The following SGCD variants were observed in gnomAD, a reference collection of about 807,000 sequenced individuals.
The protein encoded by SGCD is delta-sarcoglycan.
A neutral mutation model predicts 36.6 loss-of-function variants in SGCD; 18 were observed. That is an observed-to-expected ratio of 0.49 (90% CI 0.34 to 0.73). The LOEUF is 0.73. SGCD is among the 30% of genes least tolerant of loss of function. The pLI is 0.01. For missense variants in SGCD, 387 were observed against 346.7 expected, an observed-to-expected ratio of 1.12 and a Z score of -0.92; for synonymous variants, 133 against 130.6, an observed-to-expected ratio of 1.02 and a Z score of -0.12.
chr5:155,829,394 CCTCA>C, the SGCD span, among the ~76,000 whole-genome samples: 1,202 of 152,036 alleles, frequency 7.9e-3, 23 homozygotes, highest in African/African-American at 0.027. Flanking sequence ...CAGCCATCAG[CCTCA>C]CTAATAATGC....
chr5:155,855,479 C>T, the SGCD span, among the ~76,000 whole-genome samples: 2 of 152,156 alleles, frequency 1.3e-5, no homozygotes, highest in Non-Finnish European at 2.9e-5. Context: ...ATCCTTACCT[C>T]AAAGTCAGCT....
chr5:156,084,474 G>A (rs534918009), intron 1 of SGCD, among the ~76,000 whole-genome samples: 34 of 152,258 alleles, frequency 2.2e-4, no homozygotes, highest in African/African-American at 8.2e-4. Context: ...AACCAGGCTA[G>A]ATCCTGCTTA....
chr5:155,906,737 T>C (rs938905095), intron 1 of SGCD, among the ~76,000 whole-genome samples: 11 of 151,898 alleles, frequency 7.2e-5, no homozygotes, highest in African/African-American at 2.4e-4. Context: ...GTTCATGAGG[T>C]TCAAGGAAAG....
intron 3 of SGCD, among the ~76,000 whole-genome samples, chr5:156,296,143 G>C (rs1766888184): frequency 6.6e-6 from 1 of 152,148 alleles, no homozygotes; most frequent in South Asian, 2.1e-4. Context: ...GTCCCACTGT[G>C]ACTGAAAGGT....
At chr5:156,335,079 A>C (rs1580836266) in intron 2 of SGCD, among the ~76,000 whole-genome samples, 1 of 152,230 alleles carries the variant, frequency 6.6e-6, no homozygotes, top group East Asian at 1.9e-4. Flanking sequence ...GGTTTTAATT[A>C]TATCGATCTC....
intron 1 of SGCD, among the ~76,000 whole-genome samples, chr5:155,941,168 A>G (rs1275203364): frequency 6.6e-6 from 1 of 151,950 alleles, no homozygotes; most frequent in Non-Finnish European, 1.5e-5. Flanking sequence ...TAACAAACCC[A>G]CTCTCGAGAT....
At chr5:156,442,137 T>C (rs1043515218) in intron 3 of SGCD, among the ~76,000 whole-genome samples, 1 of 152,176 alleles carries the variant, frequency 6.6e-6, no homozygotes, top group African/African-American at 2.4e-5. Context: ...AGCCGCAGGG[T>C]TGTTTTTTCA....
At chr5:156,685,478 G>C (rs957319738) in intron 7 of SGCD, among the ~76,000 whole-genome samples, 1 of 152,136 alleles carries the variant, frequency 6.6e-6, no homozygotes, top group Non-Finnish European at 1.5e-5. Context: ...AACATTAGAC[G>C]AAGCAAGCTG....
intron 1 of SGCD, among the ~76,000 whole-genome samples, chr5:155,875,547 C>A (rs1755746666): frequency 6.6e-6 from 1 of 152,006 alleles, no homozygotes; most frequent in Non-Finnish European, 1.5e-5. Flanking sequence ...TGTGATGTTT[C>A]TCTAGGTCTT....
intron 7 of SGCD, among the ~76,000 whole-genome samples, chr5:156,748,341 A>G (rs1180386381): frequency 1.3e-5 from 2 of 152,186 alleles, no homozygotes; most frequent in African/African-American, 4.8e-5. Context: ...AGATTAGTGC[A>G]ATTTACTGTA....
intron 6 of SGCD, among the ~76,000 whole-genome samples, chr5:156,611,115 A>C (rs1761781940): frequency 6.6e-6 from 1 of 151,940 alleles, no homozygotes; most frequent in Non-Finnish European, 1.5e-5. Context: ...TGCAGAAATC[A>C]CCCGTCTTCT....
intron 1 of SGCD, among the ~76,000 whole-genome samples, chr5:155,930,135 A>G (rs1303243991): frequency 6.6e-6 from 1 of 152,192 alleles, no homozygotes; most frequent in Non-Finnish European, 1.5e-5. Flanking sequence ...TGCCAAAGTT[A>G]AAACACTTCT....
At chr5:156,285,175 G>T (rs1173073329) in intron 3 of SGCD, among the ~76,000 whole-genome samples, 2 of 152,238 alleles carry the variant, frequency 1.3e-5, no homozygotes, top group African/African-American at 4.8e-5. Context: ...AATAAAAGAG[G>T]ATACAAACAA....
At chr5:156,476,598 A>T (rs1755191558) in intron 3 of SGCD, among the ~76,000 whole-genome samples, 1 of 152,242 alleles carries the variant, frequency 6.6e-6, no homozygotes, top group Non-Finnish European at 1.5e-5. Context: ...CTGAAACTGG[A>T]GAAAAGAAAA....
At chr5:156,101,283 G>A (rs2127596700) in intron 1 of SGCD, among the ~76,000 whole-genome samples, 1 of 152,298 alleles carries the variant, frequency 6.6e-6, no homozygotes, top group South Asian at 2.1e-4. Context: ...CAGACAGTGG[G>A]CTGGCCTGGC....
intron 6 of SGCD, among the ~76,000 whole-genome samples, chr5:156,644,980 G>A (rs1581321451): frequency 6.6e-6 from 1 of 151,496 alleles, no homozygotes; most frequent in African/African-American, 2.4e-5. Context: ...AGGGAAAAGA[G>A]CCCTTGAGCT....
intron 3 of SGCD, among the ~76,000 whole-genome samples, chr5:156,380,219 CAG>C (rs771605153): frequency 1.3e-5 from 2 of 152,144 alleles, no homozygotes; most frequent in East Asian, 1.9e-4. Context: ...CTCTGGGTCT[CAG>C]AGAATTGCTG....
intron 1 of SGCD, among the ~76,000 whole-genome samples, chr5:156,011,810 G>T (rs1411145850): frequency 6.6e-6 from 1 of 152,152 alleles, no homozygotes; most frequent in African/African-American, 2.4e-5. Flanking sequence ...TGTAAATCCA[G>T]ATCTCTCACC....
chr5:156,528,792 T>G (rs1757751916), intron 4 of SGCD, among the ~76,000 whole-genome samples: 1 of 152,168 alleles, frequency 6.6e-6, no homozygotes, highest in African/African-American at 2.4e-5. Flanking sequence ...AGTGTTGAGC[T>G]GTGTGTTATA....
Sources: allele counts gnomAD v4.1 joint callset (sites outside exome capture counted in the v4.1 genomes callset), GRCh38; gene constraint gnomAD v4.1.1; transcripts MANE v1.5; gene names NCBI Gene and HGNC (gene_info 2026-07-23, HGNC 2026-07-21).